FSD1L: variants seen among roughly 807,000 people sequenced by gnomAD.
FSD1L encodes FSD1-like protein.
FSD1L carries 45 observed loss-of-function variants against 71.6 expected under a neutral mutation model. The observed-to-expected ratio is 0.63, with a 90% CI of 0.49 to 0.81. FSD1L has a LOEUF of 0.81. Ranked by LOEUF, FSD1L falls within the 30% of genes least tolerant of loss-of-function variation. The pLI, the probability that FSD1L is intolerant of heterozygous loss-of-function variation, is 0.00. For synonymous variants in FSD1L, 197 were observed against 207.2 expected, an observed-to-expected ratio of 0.95 and a Z score of 0.42; for missense variants, 561 against 618.1, an observed-to-expected ratio of 0.91 and a Z score of 0.98.
rs1175198389 is a variant in FSD1L, at chr9:105,552,278, C to G, written c.*5795C>G. On this transcript the variant is annotated 3_prime_UTR_variant, in exon 14 of 14. Transcript: ENST00000481272. ...GGCCTCATTTTCCTTAGAAACAAGA[C>G]AAAGCCTTTTTAAAATGTTTTTTTT... The G allele has an allele frequency of 2.0e-5, 3 of 151,742 alleles. No individual in the cohort carries two copies. The allele number at this position is 151,742 out of a possible 1,614,324, so 9.4% of individuals were successfully genotyped here.
chr9:105,507,504 T>G (rs1286495233), intron 8 of FSD1L, among the ~76,000 whole-genome samples: 3 of 152,200 alleles, frequency 2.0e-5, no homozygotes, highest in African/African-American at 7.2e-5. Flanking sequence ...GAAGTTGGCT[T>G]TATTATTTCT....
intron 7 of FSD1L, among the ~76,000 whole-genome samples, chr9:105,494,035 T>A (rs1833158605): frequency 6.6e-6 from 1 of 152,236 alleles, no homozygotes; most frequent in Non-Finnish European, 1.5e-5. Flanking sequence ...TTCCTTAATC[T>A]GAATGTTGGC....
At chr9:105,534,830 G>A (rs1427783747) in intron 11 of FSD1L, among the ~76,000 whole-genome samples, 1 of 152,116 alleles carries the variant, frequency 6.6e-6, no homozygotes, top group African/African-American at 2.4e-5. Flanking sequence ...AAGCCGGGAG[G>A]GGGGATAGTA....
At chr9:105,497,527 A>G (rs888520169) in intron 7 of FSD1L, among the ~76,000 whole-genome samples, 1 of 152,200 alleles carries the variant, frequency 6.6e-6, no homozygotes, top group Non-Finnish European at 1.5e-5. Flanking sequence ...ATTAGTATCG[A>G]TTCAATTTTT....
chr9:105,493,997 A>G (rs1439185880), intron 7 of FSD1L, among the ~76,000 whole-genome samples: 14 of 152,076 alleles, frequency 9.2e-5, no homozygotes, highest in Non-Finnish European at 1.5e-5. Flanking sequence ...GCTCTTCTTG[A>G]GGAGTATCTT....
intron 10 of FSD1L, chr9:105,522,716 G>T (rs1332352803): frequency 1.2e-6 from 2 of 1,604,524 alleles, no homozygotes; most frequent in Admixed American, 1.7e-5. Context: ...GCCAAAAACT[G>T]CCTCCTCTTA....
intron 6 of FSD1L, among the ~76,000 whole-genome samples, chr9:105,481,710 A>G (rs1179036012): frequency 6.6e-6 from 1 of 152,152 alleles, no homozygotes; most frequent in Non-Finnish European, 1.5e-5. Context: ...TTTAAAATAT[A>G]AAAATAATTT....
At chr9:105,494,620 A>G (rs1833218608) in intron 7 of FSD1L, among the ~76,000 whole-genome samples, 1 of 151,834 alleles carries the variant, frequency 6.6e-6, no homozygotes. Flanking sequence ...TTTTTTCCCC[A>G]TCTTTGTGGT....
upstream of FSD1L, among the ~76,000 whole-genome samples, chr9:105,443,364 A>ATCAGC (rs1403404977): frequency 2.0e-5 from 3 of 148,730 alleles, no homozygotes; most frequent in Non-Finnish European, 4.4e-5. Context: ...TCATAAAACC[A>ATCAGC]TCAGCTCTCG....
intron 10 of FSD1L, chr9:105,530,467 C>T: frequency 3.5e-6 from 2 of 579,678 alleles, no homozygotes; most frequent in Non-Finnish European, 6.1e-6. Context: ...GTCTGTTTTT[C>T]TTTTCTCCAT....
At chr9:105,481,418 G>A (rs2131693457) in intron 6 of FSD1L, among the ~76,000 whole-genome samples, 1 of 151,016 alleles carries the variant, frequency 6.6e-6, no homozygotes, top group South Asian at 2.1e-4. Context: ...CCAAGTAGCT[G>A]GGATTACAGG....
At chr9:105,524,564 T>G in intron 10 of FSD1L, 1 of 1,613,988 alleles carries the variant, frequency 6.2e-7, no homozygotes, top group Non-Finnish European at 8.5e-7. Flanking sequence ...ATGGGTGTGT[T>G]TATGGAGCTC....
chr9:105,534,619 A>T (rs980622211), intron 11 of FSD1L, 26 bp downstream of exon 11: 32 of 1,298,558 alleles, frequency 2.5e-5, no homozygotes, highest in Non-Finnish European at 3.4e-5. Context: ...ATTGTTTTTC[A>T]TTATCTCAGA....
At chr9:105,502,459 C>T (rs975581154) in intron 7 of FSD1L, among the ~76,000 whole-genome samples, 5 of 152,124 alleles carry the variant, frequency 3.3e-5, no homozygotes, top group African/African-American at 9.7e-5. Flanking sequence ...GAGGCTTTAA[C>T]TGTTTTCTAT....
intron 10 of FSD1L, chr9:105,522,068 A>T: frequency 1.2e-6 from 2 of 1,613,298 alleles, no homozygotes; most frequent in African/African-American, 1.3e-5. Context: ...TACAGTTCCA[A>T]GGGAAAAAAA....
In FSD1L at chr9:105,471,939, C is replaced by A; in HGVS notation, c.375C>A (p.Asn125Lys). 1 of 1,373,146 alleles carries A rather than the reference C, an allele frequency of 7.3e-7. No homozygotes were observed. Among genetic ancestry groups the A allele is most frequent in the Non-Finnish European group, 9.5e-7 (1 of 1,052,620 alleles). The allele number at this position is 1,373,146 out of a possible 1,614,324, so 85.1% of individuals were successfully genotyped here. Residue 125 changes from asparagine to lysine, a missense_variant, in exon 5 of 14, where the codon AAC becomes AAA. Asn to Lys is a moderately conservative substitution (Grantham distance 94). This residue lies in a region of FSD1L where 410 missense variants were observed against 413.5 expected (regional missense o/e 0.99). Coordinates refer to ENST00000481272, the MANE Select transcript of FSD1L (RefSeq NM_001145313.3). ...QISQCNNALE[N>K]SEELLEFATR... ...GTCAATGTAATAATGCCCTGGAGAA[C>A]TCTGAAGAACTATTAGAATTTGCAA...
chr9:105,552,431 CTT>C (rs1257047530), exon 14 of FSD1L: 2 of 152,122 alleles, frequency 1.3e-5, no homozygotes, highest in African/African-American at 4.8e-5. Context: ...TTTAAAAACT[CTT>C]TTCCTGCTCT....
Position 105,522,147 on chromosome 9 carries a change from A to T in FSD1L, c.1025+9211A>T, listed in dbSNP as rs1589071270. 4 of 1,614,044 alleles carry T rather than the reference A, an allele frequency of 2.5e-6. No individual in the cohort carries two copies. In the Admixed American group the frequency reaches 6.7e-5, roughly 27 times the overall value. On this transcript the variant is annotated intron_variant, in intron 10 of 13. Transcript: ENST00000481272. ...CCTTATAGTTGCCTGGATCAAAGCA[A>T]ACCTAAATGTGTACATCTCCCGAGA...
chr9:105,547,079 T>C lies in FSD1L; in HGVS notation c.*596T>C, dbSNP rs1486552738. ...ATATAATTTTCTTTTTTCCAAAATATTGTGATAAGAAATTTCTAGACACAA... is the reference window on the plus strand; with the variant it reads ...ATATAATTTTCTTTTTTCCAAAATACTGTGATAAGAAATTTCTAGACACAA... On this transcript the variant is annotated 3_prime_UTR_variant, in exon 14 of 14. Coordinates refer to ENST00000481272, the MANE Select transcript of FSD1L (RefSeq NM_001145313.3). 3 of 152,376 alleles carry C rather than the reference T, an allele frequency of 2.0e-5. No homozygotes were observed. Among genetic ancestry groups the C allele is most frequent in the South Asian group, 2.1e-4 (1 of 4,830 alleles). 9.4% of individuals were successfully genotyped at this position (152,376 alleles called of 1,614,324 possible).
Sources: gnomAD v4.1 joint callset for allele counts (sites outside exome capture counted in the v4.1 genomes callset) on GRCh38, gnomAD v4.1.1 for gene constraint, gnomAD v4.1.1 regional missense constraint, MANE v1.5 for transcripts, NCBI Gene and HGNC (gene_info 2026-07-23, HGNC 2026-07-21) for gene names.